Variants in RNF144A observed in about 807,000 individuals in gnomAD.
RNF144A encodes E3 ubiquitin-protein ligase RNF144A.
RNF144A carries 11 observed loss-of-function variants against 38.7 expected under a neutral mutation model. That is an observed-to-expected ratio of 0.28 (90% confidence interval 0.18 to 0.47). The LOEUF (loss-of-function observed/expected upper bound fraction) is 0.47. Ranked by LOEUF, RNF144A falls within the 20% of genes least tolerant of loss-of-function variation. The pLI is 0.99. For synonymous variants in RNF144A, 149 were observed against 143.9 expected (o/e 1.04, Z -0.25); for missense variants, 316 against 377.2 (o/e 0.84, Z 1.34).
chr2:7,052,811 G>T (rs1396307707), intron 6 of RNF144A, among the ~76,000 whole-genome samples: 1 of 149,726 alleles, frequency 6.7e-6, no homozygotes, highest in Non-Finnish European at 1.5e-5. Flanking sequence ...GAAACAGAAG[G>T]ATTCCTGCAC....
intron 1 of RNF144A, among the ~76,000 whole-genome samples, chr2:6,926,791 CTT>C (rs1558355117): frequency 6.6e-6 from 1 of 152,210 alleles, no homozygotes; most frequent in African/African-American, 2.4e-5. Context: ...ATATCTTACT[CTT>C]TATTTCTATT....
At chr2:6,984,425 C>A (rs774876734) in intron 2 of RNF144A, among the ~76,000 whole-genome samples, 28 of 152,152 alleles carry the variant, frequency 1.8e-4, no homozygotes, top group Non-Finnish European at 3.8e-4. Flanking sequence ...GCCTCAGCCT[C>A]CCGAGTAGCT....
At chr2:7,057,335 G>A (rs1370324740) in intron 6 of RNF144A, among the ~76,000 whole-genome samples, 1 of 152,162 alleles carries the variant, frequency 6.6e-6, no homozygotes, top group African/African-American at 2.4e-5. Context: ...TCCTGAGTGA[G>A]CGCTCTGTGT....
At chr2:7,026,767 T>G (rs2103439543) in intron 7 of RNF144A, among the ~76,000 whole-genome samples, 1 of 152,244 alleles carries the variant, frequency 6.6e-6, no homozygotes, top group African/African-American at 2.4e-5. Flanking sequence ...CACAGAAGTG[T>G]GTCTTGTCTG....
At chr2:7,000,683 G>T (rs1220041876) in intron 3 of RNF144A, among the ~76,000 whole-genome samples, 1 of 151,990 alleles carries the variant, frequency 6.6e-6, no homozygotes, top group African/African-American at 2.4e-5. Flanking sequence ...TCAAAGGGAG[G>T]TGCTGTGGTC....
Position 7,042,652 on chromosome 2 carries a change from G to C in RNF144A, c.*2892G>C. The C allele has an allele frequency of 1.0e-6, 1 of 985,428 alleles. No homozygotes were observed. Among genetic ancestry groups the C allele is most frequent in the Non-Finnish European group, 1.2e-6 (1 of 829,970 alleles). 61.0% of individuals were successfully genotyped at this position (985,428 alleles called of 1,614,324 possible). On this transcript the variant is annotated 3_prime_UTR_variant, in exon 9 of 9. Transcript: ENST00000320892. ...CCTCTCAGTCTGGCTCTGCTGTGTA[G>C]TCCATAGCCCAGCCAGATGAGCTTG...
At chr2:7,038,092 C>A (rs193203541) in intron 8 of RNF144A, among the ~76,000 whole-genome samples, 4 of 152,324 alleles carry the variant, frequency 2.6e-5, no homozygotes, top group Admixed American at 6.5e-5. Flanking sequence ...TTGGCCTTTA[C>A]TCATAACTAG....
intron 7 of RNF144A, among the ~76,000 whole-genome samples, chr2:7,029,590 G>A (rs934606961): frequency 5.9e-5 from 9 of 152,314 alleles, no homozygotes; most frequent in African/African-American, 2.2e-4. Context: ...GAGAGGAAGC[G>A]CTTTCTAGGT....
chr2:7,042,241 T>C lies in RNF144A; in HGVS notation c.*2481T>C. On this transcript the variant is annotated 3_prime_UTR_variant, in exon 9 of 9. Coordinates refer to ENST00000320892, the MANE Select transcript of RNF144A (RefSeq NM_014746.6). ...GATGGGAATACAGTATGAACCCTGCTTGATGTAAAATGGAAATAGCACACA... is the reference window on the plus strand; with the variant it reads ...GATGGGAATACAGTATGAACCCTGCCTGATGTAAAATGGAAATAGCACACA... 15 of 985,466 alleles carry C rather than the reference T, an allele frequency of 1.5e-5. No homozygotes were observed. Among genetic ancestry groups the C allele is most frequent in the Non-Finnish European group, 1.7e-5 (14 of 829,922 alleles). The allele number at this position is 985,466 out of a possible 1,614,324, so 61.0% of individuals were successfully genotyped here.
At chr2:7,047,024 A>G (rs1055920927), downstream of RNF144A, among the ~76,000 whole-genome samples, 4 of 152,204 alleles carry the variant, frequency 2.6e-5, no homozygotes, top group African/African-American at 4.8e-5. Flanking sequence ...CTTTTATGAA[A>G]AGCCCAAAAT....
At chr2:7,076,219 T>G in the RNF144A span, among the ~76,000 whole-genome samples, 1 of 152,206 alleles carries the variant, frequency 6.6e-6, no homozygotes, top group Non-Finnish European at 1.5e-5. Flanking sequence ...AAATATGTGT[T>G]ACTGTATAAG....
In RNF144A at chr2:7,040,773, A is replaced by G; in HGVS notation, c.*1013A>G. On this transcript the variant is annotated 3_prime_UTR_variant, in exon 9 of 9. Coordinates refer to ENST00000320892, the MANE Select transcript of RNF144A (RefSeq NM_014746.6). Reference sequence around the variant, plus strand: ...GGCTGGAGGACTCTGGGGGCTAGGGAAGAGCCTGCCAGATTTTCACATTTT... The same window carrying G: ...GGCTGGAGGACTCTGGGGGCTAGGGGAGAGCCTGCCAGATTTTCACATTTT... 1 of 985,480 alleles carries G rather than the reference A, an allele frequency of 1.0e-6. No homozygotes were observed. The highest frequency in any genetic ancestry group is 1.1e-4 in the East Asian group (1 of 8,826). The allele number at this position is 985,480 out of a possible 1,614,324, so 61.0% of individuals were successfully genotyped here.
chr2:6,997,784 G>A (rs1254814051), intron 3 of RNF144A, among the ~76,000 whole-genome samples: 11 of 152,190 alleles, frequency 7.2e-5, no homozygotes, highest in Admixed American at 7.2e-4. Flanking sequence ...TAGTTTCCCG[G>A]GGTCTGCAGG....
chr2:6,933,555 A>G (rs1665343616), intron 1 of RNF144A, among the ~76,000 whole-genome samples: 1 of 152,218 alleles, frequency 6.6e-6, no homozygotes. Flanking sequence ...TGGGTACTGT[A>G]TCAAAAGTCT....
rs762238466 is a variant in RNF144A at position 7,014,704 on chromosome 2, T to TC, written c.241-5dup. The TC allele has an allele frequency of 2.6e-5, 41 of 1,606,390 alleles. No individual in the cohort carries two copies. In the African/African-American group the frequency reaches 3.7e-4, roughly 14 times the overall value. ...TATCATTCCTGTTTGCATTTTTTTT[T>TC]CCCTTAGATTGAGTGCATGGTTGCA... On this transcript the variant is annotated splice_region_variant and splice_polypyrimidine_tract_variant and intron_variant, in intron 4 of 8. Transcript: ENST00000320892.
chr2:6,950,348 C>T (rs1168291533), intron 2 of RNF144A, among the ~76,000 whole-genome samples: 2 of 152,108 alleles, frequency 1.3e-5, no homozygotes. Context: ...AAGATTTAAC[C>T]GCGTTGTTTT....
At chr2:6,976,205 C>A (rs953484960) in intron 2 of RNF144A, among the ~76,000 whole-genome samples, 6 of 152,192 alleles carry the variant, frequency 3.9e-5, no homozygotes, top group African/African-American at 1.4e-4. Context: ...TGTGTTATAT[C>A]ATTTTGAACT....
chr2:6,919,926 A>C (rs1416020054), intron 1 of RNF144A, among the ~76,000 whole-genome samples: 2 of 152,254 alleles, frequency 1.3e-5, no homozygotes, highest in African/African-American at 4.8e-5. Context: ...TGTAAAATGC[A>C]TATATTTTAT....
chr2:7,000,860 T>TTATA (rs536391689), intron 3 of RNF144A, among the ~76,000 whole-genome samples: 1 of 149,458 alleles, frequency 6.7e-6, no homozygotes, highest in Non-Finnish European at 1.5e-5. Flanking sequence ...TATATTGCGT[T>TTATA]TATATATATA....
Sources: allele counts gnomAD v4.1 joint callset (sites outside exome capture counted in the v4.1 genomes callset), GRCh38; gene constraint gnomAD v4.1.1; transcripts MANE v1.5; gene names NCBI Gene and HGNC (gene_info 2026-07-23, HGNC 2026-07-21).